Variants in SORBS2 observed in about 807,000 individuals in gnomAD.
SORBS2 encodes sorbin and SH3 domain-containing protein 2.
Under a neutral mutation model 97.7 loss-of-function variants are expected in SORBS2, and 46 were observed. The ratio of observed to expected loss-of-function variants is 0.47; its 90% CI spans 0.37 to 0.60. SORBS2 has a LOEUF of 0.60. Ranked by LOEUF, SORBS2 falls within the 20% of genes least tolerant of loss-of-function variation. The probability of loss-of-function intolerance (pLI) is 0.00; values close to 1 mark genes in which losing one functional copy is unlikely to be tolerated. For missense variants in SORBS2, 1,316 were observed against 1,282.3 expected (o/e 1.03, Z -0.40); for synonymous variants, 476 against 473.4 (o/e 1.01, Z -0.07).
chr4:185,832,228 G>C (rs2099205547), intron 1 of SORBS2, among the ~76,000 whole-genome samples: 1 of 152,124 alleles, frequency 6.6e-6, no homozygotes, highest in African/African-American at 2.4e-5. Context: ...CTAGGCACTA[G>C]TTAAGATTTA....
At chr4:185,876,110 A>AT (rs146811036) in intron 1 of SORBS2, among the ~76,000 whole-genome samples, 4 of 147,924 alleles carry the variant, frequency 2.7e-5, no homozygotes, top group Admixed American at 6.8e-5. Flanking sequence ...TAGGATTTAA[A>AT]TTTTTTTGTT....
chr4:185,758,672 C>CT (rs1209307493), intron 2 of SORBS2, among the ~76,000 whole-genome samples: 14 of 152,164 alleles, frequency 9.2e-5, no homozygotes, highest in African/African-American at 3.4e-4. Context: ...CCCCTTCTTA[C>CT]CACCTACTCC....
intron 1 of SORBS2, among the ~76,000 whole-genome samples, chr4:185,831,204 G>A (rs2099204930): frequency 1.3e-5 from 2 of 152,154 alleles, no homozygotes; most frequent in Admixed American, 1.3e-4. Context: ...CAGCAAAAGG[G>A]ATATTTTGGG....
At chr4:185,915,584 C>G (rs1354546136) in intron 1 of SORBS2, among the ~76,000 whole-genome samples, 1 of 152,186 alleles carries the variant, frequency 6.6e-6, no homozygotes, top group Non-Finnish European at 1.5e-5. Context: ...ACATTTCTCT[C>G]ATTTCCTTCC....
Position 185,630,610 on chromosome 4 carries a change from G to A in SORBS2, c.397-12C>T, listed in dbSNP as rs1314006764. The A allele has an allele frequency of 6.4e-7, 1 of 1,571,394 alleles. No individual in the cohort carries two copies. Among genetic ancestry groups the A allele is most frequent in the South Asian group, 1.2e-5 (1 of 85,244 alleles). On this transcript the variant is annotated splice_polypyrimidine_tract_variant and intron_variant, in intron 4 of 14. Transcript: ENST00000418609. ...TGATACAAGGAGGCCTGTTAAGATA[G>A]GATAATAGTACCATGAAAAATTTTA...
intron 1 of SORBS2, among the ~76,000 whole-genome samples, chr4:185,808,268 A>G (rs2099165141): frequency 6.6e-6 from 1 of 152,132 alleles, no homozygotes; most frequent in Non-Finnish European, 1.5e-5. Flanking sequence ...TTTCCTAAAT[A>G]TTTTACTTTC....
rs1273636644 is a variant in SORBS2, at chr4:185,823,469, G to A, written c.-337-48103C>T. 2.7e-5 allele frequency among the ~76,000 whole-genome samples: 4 copies of A among 150,688 alleles called. No homozygotes were observed. The East Asian group carries it at 5.8e-4, about 22-fold the overall frequency. On this transcript the variant is annotated intron_variant, in intron 1 of 20. Coordinates refer to the SORBS2 transcript ENST00000284776. ...AACAATAACAATGTTTAATAACGAG[G>A]GATTGAGTTATGTATAAATTTTCTT...
intron 4 of SORBS2, among the ~76,000 whole-genome samples, chr4:185,674,032 T>C (rs762105056): frequency 3.3e-5 from 5 of 152,156 alleles, no homozygotes; most frequent in Non-Finnish European, 7.4e-5. Context: ...CCTCCCCTTT[T>C]CTCTGTCCTT....
intron 1 of SORBS2, among the ~76,000 whole-genome samples, chr4:185,840,522 G>A (rs1013668132): frequency 2.0e-5 from 3 of 152,038 alleles, no homozygotes; most frequent in African/African-American, 7.2e-5. Context: ...AACCCTTTTA[G>A]TTCCATTCCA....
At position 185,606,353 on chromosome 4, in the gene SORBS2, T is replaced by C. The variant is rs574788556; in HGVS notation, c.2796+5427A>G. ...ATTACAAAGACTTTTACAATATAAGTTTATGGTCCTGAAGAAAAATGGGAT... is the reference window on the plus strand; with the variant it reads ...ATTACAAAGACTTTTACAATATAAGCTTATGGTCCTGAAGAAAAATGGGAT... On this transcript the variant is annotated intron_variant, in intron 12 of 14. Coordinates refer to ENST00000418609, the Ensembl canonical transcript of SORBS2. This position sits in a 1 kb window ranked among gnomAD's most constrained non-coding sequence, Gnocchi z 4.3. The C allele has an allele frequency of 4.8e-5, 46 of 965,306 alleles. No homozygotes were observed. The African/African-American group carries it at 7.0e-4, about 15-fold the overall frequency. The allele number at this position is 965,306 out of a possible 1,614,324, so 59.8% of individuals were successfully genotyped here.
intron 1 of SORBS2, among the ~76,000 whole-genome samples, chr4:185,863,781 T>G (rs866396836): frequency 1.3e-5 from 2 of 152,216 alleles, no homozygotes; most frequent in Admixed American, 6.5e-5. Flanking sequence ...TACATTTTTA[T>G]TAATCTATCA....
intron 12 of SORBS2, among the ~76,000 whole-genome samples, chr4:185,594,478 G>C (rs1209983984): frequency 2.0e-5 from 3 of 152,180 alleles, no homozygotes; most frequent in Non-Finnish European, 4.4e-5. Context: ...TGTTCTCAAT[G>C]TGGAGAGAAA....
At chr4:185,751,004 T>C (rs1023333435) in intron 2 of SORBS2, among the ~76,000 whole-genome samples, 7 of 151,690 alleles carry the variant, frequency 4.6e-5, no homozygotes, top group Non-Finnish European at 1.0e-4. Context: ...ATTTACAATA[T>C]AGTTTCTGTC....
chr4:185,617,117 C>A (rs1250701211), intron 9 of SORBS2, among the ~76,000 whole-genome samples: 1 of 152,222 alleles, frequency 6.6e-6, no homozygotes, highest in Non-Finnish European at 1.5e-5. Flanking sequence ...TACTTCACAT[C>A]CCCTGCCATT....
intron 11 of SORBS2, among the ~76,000 whole-genome samples, chr4:185,613,622 G>A (rs576106049): frequency 6.9e-6 from 1 of 145,092 alleles, no homozygotes; most frequent in East Asian, 2.0e-4. Context: ...ACTCCAGCCT[G>A]GGTGACAGAG....
At chr4:185,735,971 A>G (rs942123046) in intron 2 of SORBS2, among the ~76,000 whole-genome samples, 5 of 152,208 alleles carry the variant, frequency 3.3e-5, no homozygotes, top group African/African-American at 1.2e-4. Context: ...CCAAGTTCTT[A>G]TATCAATAAC....
intron 1 of SORBS2, chr4:185,811,226 G>A (rs1049549833): frequency 1.6e-4 from 25 of 152,174 alleles, no homozygotes; most frequent in African/African-American, 5.6e-4. Flanking sequence ...GTACATAGCT[G>A]TGTTAAGAGT....
chr4:185,808,743 C>T (rs1000537692), intron 1 of SORBS2, among the ~76,000 whole-genome samples: 46 of 152,130 alleles, frequency 3.0e-4, no homozygotes, highest in African/African-American at 1.1e-3. Flanking sequence ...TTCCAGTTCA[C>T]GACCTTTACT....
chr4:185,682,124 T>C (rs565453854), intron 2 of SORBS2, among the ~76,000 whole-genome samples: 10 of 152,310 alleles, frequency 6.6e-5, no homozygotes, highest in Admixed American at 1.3e-4. Context: ...TGACAAATCC[T>C]TGTGAGTCTG....
Sources: allele counts gnomAD v4.1 joint callset (sites outside exome capture counted in the v4.1 genomes callset), GRCh38; gene constraint gnomAD v4.1.1; non-coding constraint Gnocchi (gnomAD v3.1); transcripts MANE v1.5; gene names NCBI Gene and HGNC (gene_info 2026-07-23, HGNC 2026-07-21).